The following IFT56 variants were observed in gnomAD, a reference collection of about 807,000 sequenced individuals.
IFT56 encodes the protein intraflagellar transport 56, also known as intraflagellar transport protein 56.
At chr7:139,139,209 G>C in the IFT56 span, among the ~76,000 whole-genome samples, 1 of 152,198 alleles carries the variant, frequency 6.6e-6, no homozygotes, top group East Asian at 1.9e-4. Flanking sequence ...TTAATGAGGA[G>C]GCGAGATGAA....
At chr7:139,173,379 C>T in the IFT56 span, 1 of 501,794 alleles carries the variant, frequency 2.0e-6, no homozygotes, top group Non-Finnish European at 3.6e-6. Context: ...CAGGCTCCTG[C>T]CACCATGCCC....
chr7:139,181,324 T>A, the IFT56 span: 10 of 621,944 alleles, frequency 1.6e-5, no homozygotes, highest in African/African-American at 1.3e-4. Context: ...CGTAGTGTTA[T>A]AAGAGATGCC....
chr7:139,166,594 G>A, the IFT56 span, among the ~76,000 whole-genome samples: 1 of 151,994 alleles, frequency 6.6e-6, no homozygotes, highest in Non-Finnish European at 1.5e-5. Flanking sequence ...GGCATAGAAT[G>A]CCTCATCCAT....
At chr7:139,189,449 T>A in the IFT56 span, 1 of 1,537,664 alleles carries the variant, frequency 6.5e-7, no homozygotes, top group Non-Finnish European at 9.0e-7. Flanking sequence ...GCCAGCGTCC[T>A]AGGAACCAGC....
chr7:139,169,492 A>G, the IFT56 span: 1 of 700,010 alleles, frequency 1.4e-6, no homozygotes. Context: ...AAGAGAGAAT[A>G]TTGGAATTAG....
the IFT56 span, among the ~76,000 whole-genome samples, chr7:139,186,955 G>A: frequency 0.039 from 5,871 of 150,240 alleles, 410 homozygotes; most frequent in African/African-American, 0.14. Context: ...TTAGCCGGGC[G>A]CGGTGGCGGG....
chr7:139,133,847 C>T, the IFT56 span: 1 of 1,614,122 alleles, frequency 6.2e-7, no homozygotes, highest in African/African-American at 1.3e-5. Context: ...ACTCACAAGA[C>T]CGACGTCAAG....
chr7:139,174,694 G>C, the IFT56 span, among the ~76,000 whole-genome samples: 1 of 152,120 alleles, frequency 6.6e-6, no homozygotes, highest in Non-Finnish European at 1.5e-5. Flanking sequence ...ATTTAAAAAT[G>C]AGCAAAAGCT....
At chr7:139,133,884 G>C in the IFT56 span, 1 of 1,614,058 alleles carries the variant, frequency 6.2e-7, no homozygotes, top group African/African-American at 1.3e-5. Context: ...AATAGTAAGG[G>C]AGTACTTTGA....
At chr7:139,185,667 T>C in the IFT56 span, among the ~76,000 whole-genome samples, 8 of 151,938 alleles carry the variant, frequency 5.3e-5, 2 homozygotes, top group African/African-American at 1.9e-4. Flanking sequence ...AAAGAGAGAG[T>C]TATGGTCTGG....
chr7:139,151,417 C>T, the IFT56 span, among the ~76,000 whole-genome samples: 2 of 152,134 alleles, frequency 1.3e-5, no homozygotes, highest in African/African-American at 4.8e-5. Context: ...GTTTTAGAGA[C>T]TAAAGAGTTG....
chr7:139,172,015 C>T, the IFT56 span, among the ~76,000 whole-genome samples: 3 of 151,802 alleles, frequency 2.0e-5, no homozygotes, highest in African/African-American at 4.8e-5. Context: ...TTTCTTTTGC[C>T]GTCAATATCG....
chr7:139,139,059 G>C, the IFT56 span, among the ~76,000 whole-genome samples: 1 of 152,058 alleles, frequency 6.6e-6, no homozygotes, highest in African/African-American at 2.4e-5. Context: ...TGATCCGCCC[G>C]CCTCGGCCTC....
chr7:139,190,811 T>C, the IFT56 span: 10 of 152,138 alleles, frequency 6.6e-5, no homozygotes, highest in Admixed American at 3.3e-4. Flanking sequence ...CACCATATAG[T>C]TTTTTTCTAT....
chr7:139,183,546 T>G, the IFT56 span, among the ~76,000 whole-genome samples: 2 of 152,140 alleles, frequency 1.3e-5, no homozygotes, highest in African/African-American at 4.8e-5. Context: ...AATAATTAAA[T>G]GTAAATGGTC....
chr7:139,155,203 T>C, the IFT56 span, among the ~76,000 whole-genome samples: 1 of 152,202 alleles, frequency 6.6e-6, no homozygotes, highest in African/African-American at 2.4e-5. Context: ...TTTATTGGCT[T>C]TCTTGCAGAT....
chr7:139,156,284 C>T, the IFT56 span, among the ~76,000 whole-genome samples: 7 of 151,968 alleles, frequency 4.6e-5, no homozygotes, highest in South Asian at 1.0e-3. Context: ...TTCAAGGAAC[C>T]GGCTTCTGGT....
At chr7:139,187,573 C>T in the IFT56 span, 182 of 1,607,738 alleles carry the variant, frequency 1.1e-4, no homozygotes, top group Admixed American at 7.9e-4. Flanking sequence ...TACCTCTACT[C>T]ATTTGCTTGT....
chr7:139,150,206 G>C, the IFT56 span, among the ~76,000 whole-genome samples: 4 of 152,288 alleles, frequency 2.6e-5, no homozygotes, highest in Non-Finnish European at 5.9e-5. Context: ...AGTCCCCCAA[G>C]TCTGCCTAAT....
Sources: gnomAD v4.1 joint callset for allele counts (sites outside exome capture counted in the v4.1 genomes callset) on GRCh38, gnomAD v4.1.1 for gene constraint, MANE v1.5 for transcripts, NCBI Gene and HGNC (gene_info 2026-07-23, HGNC 2026-07-21) for gene names.